EPHA5: variants seen among roughly 807,000 people sequenced by gnomAD.
EPHA5 encodes the protein ephrin type-A receptor 5.
EPHA5 carries 60 observed loss-of-function variants against 105.0 expected under a neutral mutation model. The ratio of observed to expected loss-of-function variants is 0.57; its 90% CI spans 0.46 to 0.71. The LOEUF is 0.71. Ranked by LOEUF, EPHA5 falls within the 30% of genes least tolerant of loss-of-function variation. The pLI is 0.00. For missense variants in EPHA5, 1,218 were observed against 1,274.7 expected (o/e 0.96, Z 0.68); for synonymous variants, 513 against 449.1 (o/e 1.14, Z -1.80).
At chr4:65,334,320 A>T (rs944113512) in intron 15 of EPHA5, among the ~76,000 whole-genome samples, 1 of 152,072 alleles carries the variant, frequency 6.6e-6, no homozygotes, top group Non-Finnish European at 1.5e-5. Context: ...GCCATTAGGC[A>T]TGAATTGTGA....
intron 1 of EPHA5, among the ~76,000 whole-genome samples, chr4:65,655,827 T>C (rs1027114155): frequency 1.3e-5 from 2 of 152,156 alleles, no homozygotes; most frequent in East Asian, 1.9e-4. Flanking sequence ...TTAGGGACCA[T>C]TGGTTTAAAG....
At position 65,321,860 on chromosome 4, in the gene EPHA5, T is replaced by A. The variant is rs755558631; in HGVS notation, c.*2254A>T. 1.3e-5 allele frequency: 3 copies of A among 226,268 alleles called. No homozygotes were observed. Among genetic ancestry groups the A allele is most frequent in the African/African-American group, 6.7e-5 (3 of 44,938 alleles). 14.0% of individuals were successfully genotyped at this position (226,268 alleles called of 1,614,324 possible). The stretch of plus-strand genomic sequence containing the variant: ...GCAAGTTCATCAGCCCTAAAGCATA[T>A]GGTAATTTTCCTTTTGAATCAATAA... On this transcript the variant is annotated 3_prime_UTR_variant, in exon 17 of 17. Transcript: ENST00000613740.
intron 11 of EPHA5, among the ~76,000 whole-genome samples, chr4:65,356,993 A>G (rs1298215240): frequency 2.6e-5 from 4 of 151,518 alleles, no homozygotes; most frequent in Non-Finnish European, 4.4e-5. Context: ...TATAAAAATA[A>G]CTCATAAAGC....
At chr4:65,625,302 G>A (rs909440160) in intron 2 of EPHA5, among the ~76,000 whole-genome samples, 4 of 151,906 alleles carry the variant, frequency 2.6e-5, no homozygotes, top group South Asian at 2.1e-4. Context: ...TTTTTAAACT[G>A]CTAGTTTGTC....
At chr4:65,666,399 CACT>C (rs1749969072) in intron 1 of EPHA5, among the ~76,000 whole-genome samples, 1 of 152,170 alleles carries the variant, frequency 6.6e-6, no homozygotes, top group African/African-American at 2.4e-5. Context: ...CTGTGAAAAG[CACT>C]TGTCAAATAA....
At chr4:65,615,709 ACT>A (rs1745170685) in intron 2 of EPHA5, among the ~76,000 whole-genome samples, 1 of 151,878 alleles carries the variant, frequency 6.6e-6, no homozygotes, top group Non-Finnish European at 1.5e-5. Flanking sequence ...CATCAGGGAA[ACT>A]CAAATTAAAG....
At chr4:65,390,971 G>A (rs906998591) in intron 8 of EPHA5, among the ~76,000 whole-genome samples, 5 of 152,010 alleles carry the variant, frequency 3.3e-5, no homozygotes, top group Non-Finnish European at 5.9e-5. Context: ...GAAAGTGGGT[G>A]GAGAGGCCTC....
rs767638376 is a variant in EPHA5, at chr4:65,324,109, T to C, written c.*5A>G. 1.5e-5 allele frequency: 24 copies of C among 1,593,694 alleles called. No individual in the cohort carries two copies. The highest frequency in any genetic ancestry group is 2.1e-5 in the Non-Finnish European group (24 of 1,163,232). The stretch of plus-strand genomic sequence containing the variant: ...TTCACTTGAAGAAGCGACATTTACA[T>C]GAAGTTACAATGGCACCATTCCGTT... On this transcript the variant is annotated 3_prime_UTR_variant, in exon 17 of 17. Coordinates refer to ENST00000613740, the MANE Select transcript of EPHA5 (RefSeq NM_001281766.3).
At chr4:65,442,653 A>G (rs1200415996) in intron 5 of EPHA5, among the ~76,000 whole-genome samples, 1 of 152,198 alleles carries the variant, frequency 6.6e-6, no homozygotes, top group African/African-American at 2.4e-5. Context: ...TAATTTTTAC[A>G]TATTTCATAT....
intron 5 of EPHA5, among the ~76,000 whole-genome samples, chr4:65,468,691 A>ATATATATAATATATATATAT (rs1578186523): frequency 1.4e-5 from 2 of 139,768 alleles, no homozygotes; most frequent in African/African-American, 5.3e-5. Context: ...TATATATATA[A>ATATATATAATATATATATAT]AATATATATA....
At chr4:65,356,513 A>G (rs79298602) in intron 11 of EPHA5, among the ~76,000 whole-genome samples, 13,416 of 151,566 alleles carry the variant, frequency 0.089, 784 homozygotes, top group Non-Finnish European at 0.12. Flanking sequence ...GGCACCTGGT[A>G]TTCATCCTGT....
chr4:65,545,431 C>A (rs1737279473), intron 3 of EPHA5, among the ~76,000 whole-genome samples: 2 of 151,788 alleles, frequency 1.3e-5, no homozygotes, highest in South Asian at 4.1e-4. Context: ...CATCTCAAAG[C>A]AGAAAAATTA....
In EPHA5 at chr4:65,442,132, G is replaced by A. The variant is rs35413690; in HGVS notation, c.1403-21567C>T. ...ACCTGAATATTTGTGCCACCCCCCC[G>A]CCACAACACCCCATCCAAATTCATA... is the stretch of plus-strand genomic sequence containing the variant. On this transcript the variant is annotated intron_variant, in intron 5 of 16. Transcript: ENST00000613740. Among the ~76,000 whole-genome samples, 818 of 151,864 alleles carry A rather than the reference G, an allele frequency of 5.4e-3. 12 individuals are homozygous for A. Among genetic ancestry groups the A allele is most frequent in the Non-Finnish European group, 4.9e-3 (336 of 67,958 alleles).
At chr4:65,530,838 A>G (rs1018726517) in intron 3 of EPHA5, among the ~76,000 whole-genome samples, 24 of 152,182 alleles carry the variant, frequency 1.6e-4, no homozygotes, top group Non-Finnish European at 2.9e-4. Flanking sequence ...CAGAATCTCT[A>G]TATTGGATGT....
chr4:65,563,303 A>C (rs1322986908), intron 3 of EPHA5, among the ~76,000 whole-genome samples: 3 of 152,026 alleles, frequency 2.0e-5, no homozygotes, highest in Admixed American at 1.3e-4. Context: ...TTATTAGATA[A>C]TATTTACATT....
At chr4:65,391,481 A>G (rs1252992296) in intron 8 of EPHA5, among the ~76,000 whole-genome samples, 3 of 152,116 alleles carry the variant, frequency 2.0e-5, no homozygotes, top group African/African-American at 7.2e-5. Flanking sequence ...AGACACTTTG[A>G]TTCATTTTTC....
At chr4:65,391,680 C>T (rs1006926550) in intron 8 of EPHA5, among the ~76,000 whole-genome samples, 2 of 152,090 alleles carry the variant, frequency 1.3e-5, no homozygotes, top group African/African-American at 4.8e-5. Flanking sequence ...CTAGGAGGGT[C>T]TTCTGCCAGA....
At chr4:65,444,773 A>G (rs1367373743) in intron 5 of EPHA5, among the ~76,000 whole-genome samples, 1 of 152,098 alleles carries the variant, frequency 6.6e-6, no homozygotes, top group Non-Finnish European at 1.5e-5. Flanking sequence ...ATTGAAAAAT[A>G]TAAAAAACCT....
At chr4:65,634,976 G>T (rs765460490) in intron 2 of EPHA5, among the ~76,000 whole-genome samples, 1 of 151,510 alleles carries the variant, frequency 6.6e-6, no homozygotes, top group Non-Finnish European at 1.5e-5. Flanking sequence ...CACAAAACAC[G>T]CACACAAACA....
Sources: allele counts gnomAD v4.1 joint callset (sites outside exome capture counted in the v4.1 genomes callset), GRCh38; gene constraint gnomAD v4.1.1; transcripts MANE v1.5; gene names NCBI Gene and HGNC (gene_info 2026-07-23, HGNC 2026-07-21).